Variants in MAMLD1 observed in about 807,000 individuals in gnomAD.
The protein encoded by MAMLD1 is mastermind-like domain-containing protein 1.
MAMLD1 carries 14 observed loss-of-function variants against 45.0 expected under a neutral mutation model. That is an observed-to-expected ratio of 0.31 (90% CI 0.21 to 0.49). MAMLD1 has a LOEUF of 0.49. MAMLD1 is among the 20% of genes least tolerant of loss of function. The probability of loss-of-function intolerance (pLI) is 0.99; values close to 1 mark genes in which losing one functional copy is unlikely to be tolerated. For synonymous variants in MAMLD1, 254 were observed against 247.8 expected, an observed-to-expected ratio of 1.02 and a Z score of -0.24; for missense variants, 543 against 603.6, an observed-to-expected ratio of 0.90 and a Z score of 1.05.
rs1557409324 is a variant in MAMLD1 at position 150,513,117 on chromosome X, C to T, written c.*1158C>T. The T allele has an allele frequency of 3.8e-6, 4 of 1,064,808 alleles. No homozygotes were observed. In the African/African-American group the frequency reaches 7.5e-5, roughly 20 times the overall value. The allele number at this position is 1,064,808 out of a possible 1,213,427, so 87.8% of individuals were successfully genotyped here. A position where few individuals can be genotyped will look rare whatever the true frequency, so the allele number is the denominator to read the frequency against. On this transcript the variant is annotated 3_prime_UTR_variant, in exon 8 of 8. Transcript: ENST00000370401. ...TAGAAACCCCCATGGTGACATCACT[C>T]TAGGAAGTGGTGTCGATCCATACCC...
intron 5 of MAMLD1, among the ~76,000 whole-genome samples, chrX:150,479,111 G>A (rs1016583606): frequency 2.7e-5 from 3 of 112,035 alleles, no homozygotes; most frequent in Non-Finnish European, 5.6e-5. Context: ...AGGGCCATTA[G>A]TGATCCTCCA....
At chrX:150,406,967 G>A (rs1411513742) in intron 1 of MAMLD1, among the ~76,000 whole-genome samples, 2 of 110,549 alleles carry the variant, frequency 1.8e-5, no homozygotes, top group Non-Finnish European at 3.8e-5. Flanking sequence ...TGTCCATATG[G>A]GCCCAGCCAT....
chrX:150,481,030 G>A lies in MAMLD1; in HGVS notation c.2040+7228G>A, dbSNP rs60405317. ...ACATATTCTTCTGCAGGCCCATGTCGGGGTGGCCCATGAAGAGAATTTGCC... is the reference window on the plus strand; with the variant it reads ...ACATATTCTTCTGCAGGCCCATGTCAGGGTGGCCCATGAAGAGAATTTGCC... On this transcript the variant is annotated intron_variant, in intron 5 of 7. Transcript: ENST00000370401. 3.4e-3 allele frequency among the ~76,000 whole-genome samples: 387 copies of A among 112,772 alleles called. 1 individual carries two copies. The highest frequency in any genetic ancestry group is 0.012 in the African/African-American group (370 of 31,071).
intron 1 of MAMLD1, among the ~76,000 whole-genome samples, chrX:150,375,453 C>T (rs1405664860): frequency 8.9e-6 from 1 of 112,547 alleles, no homozygotes; most frequent in African/African-American, 3.2e-5. Flanking sequence ...CAGCCTGTTG[C>T]TATGCAGTTC....
intron 5 of MAMLD1, among the ~76,000 whole-genome samples, chrX:150,500,160 A>G (rs2037509529): frequency 8.9e-6 from 1 of 112,010 alleles, no homozygotes; most frequent in Admixed American, 9.5e-5. Context: ...CAGCCACAGG[A>G]GCTGGACCTG....
chrX:150,374,200 GTAC>G (rs1325302229), intron 1 of MAMLD1, among the ~76,000 whole-genome samples: 1 of 112,689 alleles, frequency 8.9e-6, no homozygotes, highest in Non-Finnish European at 1.9e-5. Flanking sequence ...CTAATTTAGG[GTAC>G]TACTAGGCCT....
At chrX:150,430,538 G>A (rs891387048) in intron 1 of MAMLD1, among the ~76,000 whole-genome samples, 1 of 111,409 alleles carries the variant, frequency 9.0e-6, no homozygotes, top group Non-Finnish European at 1.9e-5. Context: ...GTCTAAGAAA[G>A]AACTCTTTGC....
intron 1 of MAMLD1, among the ~76,000 whole-genome samples, chrX:150,383,125 C>T (rs1158331242): frequency 3.2e-5 from 1 of 31,165 alleles, no homozygotes; most frequent in African/African-American, 3.7e-4. Flanking sequence ...AGGATGGTCT[C>T]GATCTCCTGA....
chrX:150,394,693 G>A (rs2033346180), intron 1 of MAMLD1, among the ~76,000 whole-genome samples: 1 of 110,995 alleles, frequency 9.0e-6, no homozygotes, highest in African/African-American at 3.3e-5. Context: ...CATTTTGGGG[G>A]TGCTGATATA....
chrX:150,506,915 G>A (rs782093771), intron 6 of MAMLD1, among the ~76,000 whole-genome samples: 8 of 112,611 alleles, frequency 7.1e-5, no homozygotes, highest in African/African-American at 2.6e-4. Flanking sequence ...TTCTAGAAAG[G>A]CATCCCCAGG....
intron 1 of MAMLD1, among the ~76,000 whole-genome samples, chrX:150,433,950 C>T (rs1004892296): frequency 1.3e-4 from 14 of 111,688 alleles, no homozygotes; most frequent in East Asian, 2.8e-4. Context: ...TTCTTTCCTC[C>T]GCAGTTTTTT....
intron 2 of MAMLD1, among the ~76,000 whole-genome samples, chrX:150,457,987 G>A (rs2035923723): frequency 1.8e-5 from 2 of 111,602 alleles, no homozygotes; most frequent in Admixed American, 9.5e-5. Flanking sequence ...CATGGGAAGA[G>A]TCTTTGGACT....
chrX:150,481,984 GA>G (rs1276824318), intron 5 of MAMLD1, among the ~76,000 whole-genome samples: 52 of 75,651 alleles, frequency 6.9e-4, no homozygotes, highest in African/African-American at 2.5e-3. Flanking sequence ...AAGAAAGAAA[GA>G]AAGAAAGAAA....
Position 150,445,588 on chromosome X carries a change from G to A in MAMLD1, c.72G>A (p.Gln24=). The A allele has an allele frequency of 8.3e-7, 1 of 1,209,559 alleles. No homozygotes were observed. Among genetic ancestry groups the A allele is most frequent in the Middle Eastern group, 2.3e-4 (1 of 4,337 alleles). Reference sequence around the variant, plus strand: ...ATTTCGCCATGGTGGGAAATCGTCAGGAGCCCAGAAAGCTCCAGGAATCGG... The same window carrying A: ...ATTTCGCCATGGTGGGAAATCGTCAAGAGCCCAGAAAGCTCCAGGAATCGG... ...LPHFAMVGNR[Q]EPRKLQESGK... is the part of the protein sequence containing the mutation. Residue 24 remains glutamine (Q), a synonymous_variant, in exon 2 of 8, where the codon CAG becomes CAA. Transcript: ENST00000370401.
intron 5 of MAMLD1, among the ~76,000 whole-genome samples, chrX:150,493,296 C>T (rs376719725): frequency 4.3e-4 from 48 of 111,540 alleles, no homozygotes; most frequent in East Asian, 2.3e-3. Flanking sequence ...CCAGAAGGAG[C>T]GTGGTTTGCT....
chrX:150,486,181 C>T (rs1313453199), intron 5 of MAMLD1, among the ~76,000 whole-genome samples: 2 of 112,096 alleles, frequency 1.8e-5, no homozygotes, highest in African/African-American at 6.5e-5. Flanking sequence ...ACTCTGCCTT[C>T]AGTGGCATGA....
upstream of MAMLD1, among the ~76,000 whole-genome samples, chrX:150,362,157 G>A (rs1319652041): frequency 4.5e-5 from 5 of 112,244 alleles, no homozygotes; most frequent in African/African-American, 1.6e-4. Flanking sequence ...CAGGGCGCGA[G>A]CTGGTGAGCG....
At chrX:150,381,392 G>A (rs1292716220) in intron 1 of MAMLD1, among the ~76,000 whole-genome samples, 2 of 112,177 alleles carry the variant, frequency 1.8e-5, no homozygotes, top group Non-Finnish European at 3.8e-5. Flanking sequence ...GTACATGTGT[G>A]AGTATTTAAT....
intron 6 of MAMLD1, chrX:150,509,499 C>G: frequency 7.5e-6 from 1 of 133,912 alleles, no homozygotes; most frequent in Non-Finnish European, 1.5e-5. Context: ...CTGGGTCTCC[C>G]TGAGACTGGC....
Sources: allele counts gnomAD v4.1 joint callset (sites outside exome capture counted in the v4.1 genomes callset), GRCh38; gene constraint gnomAD v4.1.1; transcripts MANE v1.5; gene names NCBI Gene and HGNC (gene_info 2026-07-23, HGNC 2026-07-21).